The following ZNF469 variants were observed in gnomAD, a reference collection of about 807,000 sequenced individuals.
ZNF469 encodes the protein zinc finger protein 469.
In ZNF469, 1 loss-of-function variant was observed where a neutral mutation model predicts 1.0. That is an observed-to-expected ratio of 1.00 (90% CI 0.35 to 4.73). The LOEUF (loss-of-function observed/expected upper bound fraction) is 4.73. Ranked by LOEUF, ZNF469 falls within the 30% of genes most tolerant of loss-of-function variation. The pLI is 0.16. For missense variants in ZNF469, 6,100 were observed against 5,356.3 expected (o/e 1.14, Z -4.33); for synonymous variants, 2,703 against 2,363.4 (o/e 1.14, Z -4.17).
At chr16:88,220,356 G>T in the ZNF469 span, among the ~76,000 whole-genome samples, 1 of 152,218 alleles carries the variant, frequency 6.6e-6, no homozygotes, top group African/African-American at 2.4e-5. Context: ...TTTGTAAATG[G>T]AGGAAGTCAT....
chr16:88,173,165 T>G, the ZNF469 span, among the ~76,000 whole-genome samples: 1 of 152,310 alleles, frequency 6.6e-6, no homozygotes, highest in East Asian at 1.9e-4. Context: ...CATCAAGGCA[T>G]GTTATAAACA....
chr16:88,371,820 T>C, the ZNF469 span, among the ~76,000 whole-genome samples: 5 of 151,872 alleles, frequency 3.3e-5, no homozygotes, highest in African/African-American at 1.2e-4. Context: ...TCACCATCAC[T>C]ATCATCACCA....
chr16:88,433,804 G>A lies in ZNF469; in HGVS notation c.6334G>A (p.Ala2112Thr), dbSNP rs1468228702. Residue 2112 changes from alanine (A) to threonine (T), a missense_variant, in exon 3 of 3, where the codon GCC becomes ACC. Physicochemically the swap from Ala to Thr is moderately conservative, Grantham distance 58. Coordinates refer to ENST00000565624, the MANE Select transcript of ZNF469 (RefSeq NM_001367624.2). ...AGCACCCTCTGTCGGGGACCTGGCC[G>A]CCTGCGCCCCCTCACCCACTTCAGC... The part of the protein sequence containing the change: ...SPAPSVGDLA[A>T]CAPSPTSAAH... 36 of 1,549,578 alleles carry A rather than the reference G, an allele frequency of 2.3e-5. No individual in the cohort carries two copies. The highest frequency in any genetic ancestry group is 5.9e-5 in the South Asian group (5 of 84,056).
At chr16:88,101,764 C>T in the ZNF469 span, among the ~76,000 whole-genome samples, 7 of 152,282 alleles carry the variant, frequency 4.6e-5, no homozygotes, top group South Asian at 1.2e-3. Flanking sequence ...CCTGGCACTT[C>T]GGTGAGGTGT....
chr16:88,253,742 C>T, the ZNF469 span, among the ~76,000 whole-genome samples: 54,212 of 150,726 alleles, frequency 0.36, 10,003 homozygotes, highest in Middle Eastern at 0.47. Context: ...TTTCACCATG[C>T]TGGCCAGGGT....
At chr16:88,253,791 G>A in the ZNF469 span, among the ~76,000 whole-genome samples, 9 of 152,178 alleles carry the variant, frequency 5.9e-5, no homozygotes, top group African/African-American at 9.6e-5. Flanking sequence ...CTCCCACCTC[G>A]GCCTCCCAAA....
At chr16:88,101,969 A>C in the ZNF469 span, among the ~76,000 whole-genome samples, 1 of 152,242 alleles carries the variant, frequency 6.6e-6, no homozygotes. Context: ...TCAGGATTGT[A>C]AACTCCAGGA....
rs1486023314 is a variant in ZNF469 at position 88,438,923 on chromosome 16, A to C, written c.11453A>C (p.Lys3818Thr). ...AAGGGAGAGAGCAGTACGAAGAGGA[A>C]AAAGGGCCAGGTCCCAGGGCCAGCC... ...KEKGESSTKRKKGQVPGPARS... is the reference protein window; with the variant it reads ...KEKGESSTKRTKGQVPGPARS... The change falls in exon 3 of 3, where the codon AAA becomes ACA. Residue 3818 changes from lysine to threonine, a missense_variant. By Grantham distance (78) the Lys-to-Thr change is moderately conservative (BLOSUM62 -1). Coordinates refer to ENST00000565624, the MANE Select transcript of ZNF469 (RefSeq NM_001367624.2). The C allele has an allele frequency of 2.6e-6, 4 of 1,550,552 alleles. No individual in the cohort carries two copies. Among genetic ancestry groups the C allele is most frequent in the Non-Finnish European group, 3.5e-6 (4 of 1,146,978 alleles).
chr16:88,435,338 C>A lies in ZNF469; in HGVS notation c.7868C>A (p.Ser2623Tyr). The A allele has an allele frequency of 6.5e-7, 1 of 1,550,376 alleles. No individual in the cohort carries two copies. Among genetic ancestry groups the A allele is most frequent in the Non-Finnish European group, 8.7e-7 (1 of 1,146,998 alleles). The part of the protein sequence containing the change: ...RRWRREPTVD[S>Y]PSHSEGKSNK... ...TGGCGCCGAGAGCCCACCGTGGACTCTCCTAGCCACTCAGAGGGGAAGTCA... is the reference window on the plus strand; with the variant it reads ...TGGCGCCGAGAGCCCACCGTGGACTATCCTAGCCACTCAGAGGGGAAGTCA... The change falls in exon 3 of 3, where the codon TCT becomes TAT. Residue 2623 changes from serine (S) to tyrosine (Y), a missense_variant. Physicochemically the swap from Ser to Tyr is moderately radical, Grantham distance 144. Transcript: ENST00000565624.
chr16:88,132,720 T>A, the ZNF469 span, among the ~76,000 whole-genome samples: 1 of 152,226 alleles, frequency 6.6e-6, no homozygotes, highest in African/African-American at 2.4e-5. Context: ...GCGGCTCTCC[T>A]GGGCTTGGTG....
the ZNF469 span, among the ~76,000 whole-genome samples, chr16:88,359,193 G>C: frequency 6.6e-6 from 1 of 151,440 alleles, no homozygotes; most frequent in Non-Finnish European, 1.5e-5. Flanking sequence ...GCTTCAGAGA[G>C]TCCCGGGGGC....
At chr16:88,365,984 C>T in the ZNF469 span, among the ~76,000 whole-genome samples, 2 of 152,202 alleles carry the variant, frequency 1.3e-5, no homozygotes, top group Admixed American at 6.5e-5. Context: ...TTCTGGTGTT[C>T]CCCCACAGTC....
the ZNF469 span, among the ~76,000 whole-genome samples, chr16:88,355,561 G>T: frequency 2.0e-5 from 3 of 152,236 alleles, no homozygotes; most frequent in Admixed American, 6.5e-5. Context: ...GAGGAGTCCA[G>T]GCCAGGCCCT....
At chr16:88,220,802 A>T in the ZNF469 span, among the ~76,000 whole-genome samples, 1 of 152,074 alleles carries the variant, frequency 6.6e-6, no homozygotes, top group East Asian at 1.9e-4. Context: ...ACCCTTGAAC[A>T]TTCCCCCACA....
the ZNF469 span, among the ~76,000 whole-genome samples, chr16:88,133,678 CAAAT>C: frequency 1.3e-5 from 2 of 151,050 alleles, no homozygotes; most frequent in African/African-American, 4.9e-5. Flanking sequence ...TAAATAAAAT[CAAAT>C]AATTATTAAA....
chr16:88,431,093 A>G lies in ZNF469; in HGVS notation c.3623A>G (p.Asn1208Ser). 1 of 1,549,924 alleles carries G rather than the reference A, an allele frequency of 6.5e-7. No homozygotes were observed. The highest frequency in any genetic ancestry group is 1.2e-5 in the South Asian group (1 of 84,026). ...APKDPLQVPTNTETSEETRPS... is the reference protein window; with the variant it reads ...APKDPLQVPTSTETSEETRPS... ...AAGGATCCCCTGCAGGTCCCCACCAACACCGAGACCTCAGAGGAAACCCGC... is the reference window on the plus strand; with the variant it reads ...AAGGATCCCCTGCAGGTCCCCACCAGCACCGAGACCTCAGAGGAAACCCGC... The change falls in exon 3 of 3, where the codon AAC (asparagine) becomes AGC (serine). Residue 1208 changes from asparagine (N) to serine (S), a missense_variant. Transcript: ENST00000565624.
chr16:88,157,602 TGACA>T, the ZNF469 span, among the ~76,000 whole-genome samples: 1 of 151,940 alleles, frequency 6.6e-6, no homozygotes, highest in East Asian at 1.9e-4. Context: ...CACAGCACCA[TGACA>T]GACCCTCTCA....
the ZNF469 span, among the ~76,000 whole-genome samples, chr16:88,152,546 T>G: frequency 1.3e-5 from 2 of 152,148 alleles, no homozygotes; most frequent in Non-Finnish European, 2.9e-5. The surrounding 1 kb of genome is among the most constrained non-coding windows in gnomAD (Gnocchi z 4.2). Context: ...TGGCTGGGTC[T>G]TCTGTTGAGC....
At chr16:88,264,045 A>C in the ZNF469 span, among the ~76,000 whole-genome samples, 1 of 151,858 alleles carries the variant, frequency 6.6e-6, no homozygotes, top group Non-Finnish European at 1.5e-5. Context: ...CACCACGTGT[A>C]CTCATGGAGC....
Sources: allele counts gnomAD v4.1 joint callset (sites outside exome capture counted in the v4.1 genomes callset), GRCh38; gene constraint gnomAD v4.1.1; non-coding constraint Gnocchi (gnomAD v3.1); transcripts MANE v1.5; gene names NCBI Gene and HGNC (gene_info 2026-07-23, HGNC 2026-07-21).